Variants in OTOF observed in about 807,000 individuals in gnomAD.
OTOF encodes the protein otoferlin, also known as fer-1-like family member 2.
In OTOF, 218 loss-of-function variants were observed where a neutral mutation model predicts 236.8. The observed-to-expected ratio is 0.92, with a 90% CI of 0.82 to 1.03. The LOEUF (loss-of-function observed/expected upper bound fraction) is 1.03. OTOF is among the 50% of genes least tolerant of loss of function. The probability of loss-of-function intolerance (pLI) is 0.00; values close to 1 mark genes in which losing one functional copy is unlikely to be tolerated. For missense variants in OTOF, 2,590 were observed against 2,694.4 expected (o/e 0.96, Z 0.86); for synonymous variants, 1,041 against 1,072.5 (o/e 0.97, Z 0.57).
At chr2:26,472,416 T>C in intron 30 of OTOF, 103 bp downstream of exon 30, 6 of 1,442,604 alleles carry the variant, frequency 4.2e-6, no homozygotes, top group Non-Finnish European at 5.8e-6. Flanking sequence ...CAAAGGAGGC[T>C]CTTAGTGTCC....
intron 1 of OTOF, among the ~76,000 whole-genome samples, chr2:26,546,512 G>T (rs760607332): frequency 6.6e-6 from 1 of 151,672 alleles, no homozygotes; most frequent in Non-Finnish European, 1.5e-5. Context: ...TGTTGTTCAG[G>T]GGTCAGCTGT....
At chr2:26,516,702 T>G in intron 4 of OTOF, 103 bp from the exon 5 acceptor site, 1 of 1,231,174 alleles carries the variant, frequency 8.1e-7, no homozygotes, top group Non-Finnish European at 1.2e-6. Context: ...TCCACACCCT[T>G]GCCTCACTGG....
intron 3 of OTOF, among the ~76,000 whole-genome samples, chr2:26,523,436 GTC>G (rs1192308454): frequency 1.3e-5 from 2 of 152,254 alleles, no homozygotes; most frequent in South Asian, 4.1e-4. Context: ...TCTAGGACAA[GTC>G]TCTCTCTCTG....
chr2:26,478,569 T>A (rs1283967156), intron 18 of OTOF, among the ~76,000 whole-genome samples: 1 of 152,090 alleles, frequency 6.6e-6, no homozygotes, highest in African/African-American at 2.4e-5. Flanking sequence ...GCCCAGTCAG[T>A]GCCCATGGCT....
Position 26,475,340 on chromosome 2 carries a change from C to T in OTOF, c.3126+19G>A. ...GGTGTGGTGCTGCTGGGGTCCCTGG[C>T]ACCAGAGCCCACCCATACCATGGAA... is the stretch of plus-strand genomic sequence containing the variant. On this transcript the variant is annotated intron_variant, in intron 25 of 46. Transcript: ENST00000272371. The T allele has an allele frequency of 1.9e-6, 3 of 1,612,648 alleles. No homozygotes were observed. Among genetic ancestry groups the T allele is most frequent in the African/African-American group, 2.7e-5 (2 of 75,022 alleles).
In OTOF at chr2:26,474,601, G is replaced by T. The variant is rs763477940; in HGVS notation, c.3200C>A (p.Pro1067His). 9 of 1,613,276 alleles carry T rather than the reference G, an allele frequency of 5.6e-6. No homozygotes were observed. The South Asian group carries it at 6.6e-5, about 12-fold the overall frequency. The change falls in exon 26 of 47, where the codon CCC becomes CAC. Residue 1067 changes from proline to histidine, a missense_variant. Pro to His is a moderately conservative substitution (Grantham distance 77). This residue lies in a region of OTOF where 1,211 missense variants were observed against 1,352.8 expected (regional missense o/e 0.90). Coordinates refer to ENST00000272371, the MANE Select transcript of OTOF (RefSeq NM_194248.3). Reference protein sequence around the residue: ...VKMADEAYCPPRFPPQLEYYQ... With the variant: ...VKMADEAYCPHRFPPQLEYYQ... The stretch of plus-strand genomic sequence containing the variant: ...GTACTCGAGCTGAGGTGGGAAGCGG[G>T]GTGGGCAGTACGCCTCGTCTGCCAT...
Position 26,460,019 on chromosome 2 carries a change from C to T in OTOF, c.*6G>A. The T allele has an allele frequency of 6.4e-7, 1 of 1,564,738 alleles. No homozygotes were observed. The highest frequency in any genetic ancestry group is 1.2e-5 in the South Asian group (1 of 84,922). On this transcript the variant is annotated 3_prime_UTR_variant, in exon 46 of 47. Coordinates refer to ENST00000272371, the MANE Select transcript of OTOF (RefSeq NM_194248.3). This position sits in a 1 kb window ranked among gnomAD's most constrained non-coding sequence, Gnocchi z 5.3. ...AAGAAATATCAGACCCAGGAGGCCACTGGGCTCAGGCCCCGAGGATTTTCT... is the reference window on the plus strand; with the variant it reads ...AAGAAATATCAGACCCAGGAGGCCATTGGGCTCAGGCCCCGAGGATTTTCT...
At chr2:26,481,657 G>A (rs1196852917) in intron 14 of OTOF, among the ~76,000 whole-genome samples, 2 of 152,112 alleles carry the variant, frequency 1.3e-5, no homozygotes, top group East Asian at 1.9e-4. Context: ...ACATTTCAGT[G>A]GTTTTTCGTA....
chr2:26,458,816 G>A (rs1664314236), intron 46 of OTOF, among the ~76,000 whole-genome samples: 1 of 152,232 alleles, frequency 6.6e-6, no homozygotes, highest in Admixed American at 6.5e-5. Context: ...TACTGCATAT[G>A]CATTTTCAAA....
At chr2:26,552,454 A>T (rs562394129) in intron 1 of OTOF, among the ~76,000 whole-genome samples, 1 of 152,360 alleles carries the variant, frequency 6.6e-6, no homozygotes, top group African/African-American at 2.4e-5. Context: ...AGTGGCTAAG[A>T]TAACCAAGAC....
At position 26,474,633 on chromosome 2, in the gene OTOF, C is replaced by G; in HGVS notation, c.3168G>C (p.Leu1056=). ...DFMGRTFAKP[L]VKMADEAYCP... is the part of the protein sequence containing the mutation. ...AGTACGCCTCGTCTGCCATCTTCAC[C>G]AGGGGTTTGGCGAAGGTCCGGCCCA... is the stretch of plus-strand genomic sequence containing the variant. The change falls in exon 26 of 47, where the codon CTG becomes CTC. Residue 1056 remains leucine (L), a synonymous_variant. Coordinates refer to ENST00000272371, the MANE Select transcript of OTOF (RefSeq NM_194248.3). The G allele has an allele frequency of 6.2e-7, 1 of 1,613,366 alleles. No individual in the cohort carries two copies. The highest frequency in any genetic ancestry group is 8.5e-7 in the Non-Finnish European group (1 of 1,180,030).
At chr2:26,529,545 A>G (rs893396140) in intron 2 of OTOF, among the ~76,000 whole-genome samples, 1 of 152,132 alleles carries the variant, frequency 6.6e-6, no homozygotes, top group Admixed American at 6.5e-5. Context: ...CTGGCTGAGC[A>G]GGCCCTCGGG....
chr2:26,538,559 C>A (rs1171819088), intron 1 of OTOF, among the ~76,000 whole-genome samples: 4 of 152,254 alleles, frequency 2.6e-5, no homozygotes, highest in Admixed American at 2.6e-4. Flanking sequence ...CCAGCTGGAA[C>A]TGGCCCAAGA....
intron 8 of OTOF, among the ~76,000 whole-genome samples, chr2:26,500,652 C>T (rs1193317523): frequency 6.6e-6 from 1 of 152,170 alleles, no homozygotes; most frequent in African/African-American, 2.4e-5. Flanking sequence ...GTTTTTCAGG[C>T]ACCTGGGAAG....
chr2:26,527,171 G>A (rs896827581), intron 3 of OTOF, among the ~76,000 whole-genome samples: 1 of 152,214 alleles, frequency 6.6e-6, no homozygotes, highest in Non-Finnish European at 1.5e-5. Flanking sequence ...TAGGCACCCC[G>A]CCCTCTGCAT....
intron 11 of OTOF, 64 bp downstream of exon 11, chr2:26,489,147 C>T: frequency 1.7e-6 from 2 of 1,166,404 alleles, no homozygotes; most frequent in South Asian, 2.6e-5. Flanking sequence ...GTGGGAAGGG[C>T]CCCGTGCACC....
At chr2:26,509,985 C>A (rs977895531) in intron 5 of OTOF, among the ~76,000 whole-genome samples, 1 of 152,152 alleles carries the variant, frequency 6.6e-6, no homozygotes, top group South Asian at 2.1e-4. Context: ...CTTATGAGAT[C>A]CCGTAATGCT....
At chr2:26,481,082 G>A in intron 14 of OTOF, 73 bp from the exon 15 acceptor site, 1 of 1,114,952 alleles carries the variant, frequency 9.0e-7, no homozygotes, top group Non-Finnish European at 1.3e-6. Flanking sequence ...GCCTCTTTTG[G>A]GGGTCCCTGG....
At chr2:26,538,746 C>T (rs1667137995) in intron 1 of OTOF, among the ~76,000 whole-genome samples, 1 of 151,964 alleles carries the variant, frequency 6.6e-6, no homozygotes, top group Admixed American at 6.5e-5. Context: ...CACAGGCTCC[C>T]ACCCACAGGT....
Sources: allele counts gnomAD v4.1 joint callset (sites outside exome capture counted in the v4.1 genomes callset), GRCh38; gene constraint gnomAD v4.1.1; regional missense constraint gnomAD v4.1.1; non-coding constraint Gnocchi (gnomAD v3.1); transcripts MANE v1.5; gene names NCBI Gene and HGNC (gene_info 2026-07-23, HGNC 2026-07-21).